AK1: variants seen among roughly 807,000 people sequenced by gnomAD.
AK1 encodes adenylate kinase isoenzyme 1.
Under a neutral mutation model 23.9 loss-of-function variants are expected in AK1, and 13 were observed. The observed-to-expected ratio is 0.54, with a 90% CI of 0.35 to 0.86. The LOEUF is 0.86. Among genes scored for constraint, AK1 ranks in the 40% least tolerant of loss-of-function variants. The probability of loss-of-function intolerance (pLI) is 0.01; values close to 1 mark genes in which losing one functional copy is unlikely to be tolerated. For synonymous variants in AK1, 97 were observed against 102.8 expected (o/e 0.94, Z 0.34); for missense variants, 214 against 255.1 (o/e 0.84, Z 1.10).
intron 3 of AK1, 67 bp from the exon 4 acceptor site, chr9:127,872,920 G>T: frequency 1.9e-6 from 3 of 1,613,028 alleles, no homozygotes; most frequent in South Asian, 1.1e-5. Flanking sequence ...GGCTGCCAGG[G>T]TCTCCCAGAG....
rs1275674454 is a variant in AK1, at chr9:127,877,196, A to G, written c.-33+427T>C. ...GGTGTTCTCCAATGCACCCAGCACTAGAAGTGGAGTGACACGATAGCCCTA... is the reference window on the plus strand; with the variant it reads ...GGTGTTCTCCAATGCACCCAGCACTGGAAGTGGAGTGACACGATAGCCCTA... On this transcript the variant is annotated intron_variant, in intron 1 of 6. Transcript: ENST00000644144. This position sits in a 1 kb window ranked among gnomAD's most constrained non-coding sequence, Gnocchi z 5.2. 6.6e-6 allele frequency among the ~76,000 whole-genome samples: 1 copy of G among 152,142 alleles called. No individual in the cohort carries two copies. The highest frequency in any genetic ancestry group is 1.9e-4 in the East Asian group (1 of 5,192).
chr9:127,876,262 G>T (rs56780407), intron 1 of AK1, among the ~76,000 whole-genome samples: 1 of 152,174 alleles, frequency 6.6e-6, no homozygotes, highest in Non-Finnish European at 1.5e-5. Flanking sequence ...GCACAACCAC[G>T]CTGTACTGGG....
intron 4 of AK1, 129 bp from the exon 5 acceptor site, chr9:127,872,068 C>T: frequency 1.3e-6 from 1 of 789,602 alleles, no homozygotes. Context: ...ACAAGCCTCC[C>T]CCTCCAGGAA....
chr9:127,871,290 G>A lies in AK1; in HGVS notation c.324+533C>T, dbSNP rs1369572533. Among the ~76,000 whole-genome samples the A allele has an allele frequency of 6.6e-6, 1 of 151,634 alleles. No homozygotes were observed. Among genetic ancestry groups the A allele is most frequent in the Non-Finnish European group, 1.5e-5 (1 of 68,034 alleles). On this transcript the variant is annotated intron_variant, in intron 5 of 6. Coordinates refer to ENST00000644144, the MANE Select transcript of AK1 (RefSeq NM_000476.3). This position sits in a 1 kb window ranked among gnomAD's most constrained non-coding sequence, Gnocchi z 4.4. ...AGGCTCCTCATGACCCCTGGAAGGA[G>A]ACTGATGTCCCTTTATGGCATTTGC...
chr9:127,877,831 C>G (rs1476838398), upstream of AK1: 1 of 152,222 alleles, frequency 6.6e-6, no homozygotes, highest in African/African-American at 2.4e-5. This position sits in a 1 kb window ranked among gnomAD's most constrained non-coding sequence, Gnocchi z 5.2. Flanking sequence ...GGGTGCGCGG[C>G]GACACCGCAC....
chr9:127,872,927 A>G (rs1829449701), intron 3 of AK1, 74 bp from the exon 4 acceptor site: 1 of 1,612,834 alleles, frequency 6.2e-7, no homozygotes, highest in Non-Finnish European at 8.5e-7. Context: ...AGGGTCTCCC[A>G]GAGAGGGAGG....
In AK1 at chr9:127,873,075, A is replaced by T; in HGVS notation, c.8-14T>A. Reference sequence around the variant, plus strand: ...TCTTCAGCTTCTCTGCGGGAGAGAAAAGGGGAGCAGGGCTCAGTCACTCGC... The same window carrying T: ...TCTTCAGCTTCTCTGCGGGAGAGAATAGGGGAGCAGGGCTCAGTCACTCGC... On this transcript the variant is annotated splice_polypyrimidine_tract_variant and intron_variant, in intron 2 of 6. Transcript: ENST00000644144. 1.2e-6 allele frequency: 2 copies of T among 1,613,264 alleles called. No homozygotes were observed. The highest frequency in any genetic ancestry group is 1.7e-6 in the Non-Finnish European group (2 of 1,179,596).
At chr9:127,870,799 CG>C (rs5900775) in intron 5 of AK1, among the ~76,000 whole-genome samples, 118,735 of 151,452 alleles carry the variant, frequency 0.78, 46,689 homozygotes, top group East Asian at 0.9. Flanking sequence ...GAAGGCCCTA[CG>C]GAGACGGGGC....
Position 127,874,591 on chromosome 9 carries a change from A to G in AK1, c.7+20T>C, listed in dbSNP as rs1401360544. On this transcript the variant is annotated intron_variant, in intron 2 of 6. Transcript: ENST00000644144. Reference sequence around the variant, plus strand: ...CACACTGAGGCCCAGGCAATGGGCAAAAGGAGAGGAGGCTCATACCTTCCA... The same window carrying G: ...CACACTGAGGCCCAGGCAATGGGCAGAAGGAGAGGAGGCTCATACCTTCCA... 1 of 1,613,214 alleles carries G rather than the reference A, an allele frequency of 6.2e-7. No individual in the cohort carries two copies. The highest frequency in any genetic ancestry group is 8.5e-7 in the Non-Finnish European group (1 of 1,179,932).
rs571320284 is a variant in AK1, at chr9:127,876,103, G to A, written c.-32-1454C>T. ...TCTGCAACCCTATCAGCTGCCACTG[G>A]CAGATGTTGTACCCAATGCCTGGAT... On this transcript the variant is annotated intron_variant, in intron 1 of 6. Coordinates refer to ENST00000644144, the MANE Select transcript of AK1 (RefSeq NM_000476.3). Among the ~76,000 whole-genome samples the A allele has an allele frequency of 6.6e-5, 10 of 152,284 alleles. No homozygotes were observed. The East Asian group carries it at 1.9e-3, about 29-fold the overall frequency.
chr9:127,872,967 G>C (rs928956801), intron 3 of AK1, 59 bp downstream of exon 3: 5 of 1,613,378 alleles, frequency 3.1e-6, no homozygotes, highest in Non-Finnish European at 4.2e-6. Flanking sequence ...CCCCAGGCCC[G>C]GGCTCCCTCC....
chr9:127,873,841 G>A (rs764457701), intron 2 of AK1: 6 of 985,422 alleles, frequency 6.1e-6, no homozygotes, highest in Non-Finnish European at 7.2e-6. Flanking sequence ...ACCTTGCTGT[G>A]TGACTTAGGA....
At chr9:127,874,253 A>G (rs1011719147) in intron 2 of AK1, 3 of 985,386 alleles carry the variant, frequency 3.0e-6, no homozygotes, top group African/African-American at 1.7e-5. Context: ...ACTGGATGAT[A>G]GGGAAACTGA....
intron 2 of AK1, chr9:127,873,942 GC>G (rs1456680427): frequency 1.0e-6 from 1 of 985,336 alleles, no homozygotes; most frequent in African/African-American, 1.7e-5. Context: ...TAAGGCTGGA[GC>G]CCTACAGGAG....
chr9:127,867,642 C>G lies in AK1; in HGVS notation c.*366G>C, dbSNP rs1176399874. ...CCCTCGGAGCAGGGGCCCCGCCACTCAGCGCCGGGTCCTCAGGCCAGGCAT... is the reference window on the plus strand; with the variant it reads ...CCCTCGGAGCAGGGGCCCCGCCACTGAGCGCCGGGTCCTCAGGCCAGGCAT... On this transcript the variant is annotated 3_prime_UTR_variant, in exon 7 of 7. Transcript: ENST00000644144. 1.3e-5 allele frequency: 4 copies of G among 297,648 alleles called. No homozygotes were observed. The highest frequency in any genetic ancestry group is 2.6e-5 in the Non-Finnish European group (4 of 152,514). 18.4% of individuals were successfully genotyped at this position (297,648 alleles called of 1,614,324 possible).
upstream of AK1, among the ~76,000 whole-genome samples, chr9:127,878,684 G>A (rs957494393): frequency 6.6e-6 from 1 of 152,174 alleles, no homozygotes; most frequent in African/African-American, 2.4e-5. Flanking sequence ...AGGAGATTGA[G>A]ACCACCTTCA....
chr9:127,879,076 C>CAT (rs1447718330), upstream of AK1, among the ~76,000 whole-genome samples: 2 of 150,662 alleles, frequency 1.3e-5, no homozygotes, highest in Admixed American at 6.6e-5. Flanking sequence ...AACACACACA[C>CAT]ACACACACAC....
intron 2 of AK1, chr9:127,873,836 G>T (rs1305369426): frequency 1.0e-6 from 1 of 985,288 alleles, no homozygotes; most frequent in East Asian, 1.1e-4. Flanking sequence ...ATCCCACCTT[G>T]CTGTGTGACT....
chr9:127,868,299 C>G lies in AK1; in HGVS notation c.516+22G>C. The stretch of plus-strand genomic sequence containing the variant: ...TAGGAACCCGTTCTTCCCGGAGCTG[C>G]CCCTGGGCCCGCGGGGCCCACCTTG... On this transcript the variant is annotated intron_variant, in intron 6 of 6. Coordinates refer to ENST00000644144, the MANE Select transcript of AK1 (RefSeq NM_000476.3). This position sits in a 1 kb window ranked among gnomAD's most constrained non-coding sequence, Gnocchi z 4.1. 6.4e-7 allele frequency: 1 copy of G among 1,559,204 alleles called. No homozygotes were observed. Among genetic ancestry groups the G allele is most frequent in the Non-Finnish European group, 8.7e-7 (1 of 1,151,626 alleles).
Sources: gnomAD v4.1 joint callset for allele counts (sites outside exome capture counted in the v4.1 genomes callset) on GRCh38, gnomAD v4.1.1 for gene constraint, Gnocchi (gnomAD v3.1) non-coding constraint, MANE v1.5 for transcripts, NCBI Gene and HGNC (gene_info 2026-07-23, HGNC 2026-07-21) for gene names.